XPR1: variants seen among roughly 807,000 people sequenced by gnomAD.
XPR1 encodes solute carrier family 53 member 1.
A neutral mutation model predicts 87.5 loss-of-function variants in XPR1; 28 were observed. That is an observed-to-expected ratio of 0.32 (90% CI 0.24 to 0.44). The LOEUF is 0.44. Among genes scored for constraint, XPR1 ranks in the 20% least tolerant of loss-of-function variants. The pLI is 1.00. For synonymous variants in XPR1, 300 were observed against 306.1 expected, an observed-to-expected ratio of 0.98 and a Z score of 0.21; for missense variants, 559 against 862.3, an observed-to-expected ratio of 0.65 and a Z score of 4.41.
rs752314458 is a variant in XPR1, at chr1:180,649,357, G to A, written c.69+17087G>A. Reference sequence around the variant, plus strand: ...TGAGGCACGAGAATGGCGTGAACCCGGAGGCGGAGCTTGCAGTGAGCCAAG... The same window carrying A: ...TGAGGCACGAGAATGGCGTGAACCCAGAGGCGGAGCTTGCAGTGAGCCAAG... On this transcript the variant is annotated intron_variant, in intron 1 of 14. Coordinates refer to ENST00000367590, the MANE Select transcript of XPR1 (RefSeq NM_004736.4). Among the ~76,000 whole-genome samples the A allele has an allele frequency of 6.4e-4, 97 of 152,058 alleles. 1 individual carries two copies. Among genetic ancestry groups the A allele is most frequent in the Middle Eastern group, 3.2e-3 (1 of 316 alleles).
At chr1:180,822,994 C>G (rs1165133020) in intron 7 of XPR1, among the ~76,000 whole-genome samples, 1 of 152,078 alleles carries the variant, frequency 6.6e-6, no homozygotes, top group Non-Finnish European at 1.5e-5. Context: ...AATCCCAGCA[C>G]TTTGGGAGGC....
At chr1:180,878,198 AAAAG>A (rs1308997189) in intron 13 of XPR1, 2 of 152,218 alleles carry the variant, frequency 1.3e-5, no homozygotes, top group African/African-American at 4.8e-5. Flanking sequence ...TTCTAGTAAA[AAAAG>A]AAAAATACCT....
At chr1:180,866,116 G>A (rs976121707) in intron 12 of XPR1, among the ~76,000 whole-genome samples, 5 of 152,120 alleles carry the variant, frequency 3.3e-5, no homozygotes, top group African/African-American at 1.2e-4. Flanking sequence ...GGATGCTGAG[G>A]CAGGAGGATC....
chr1:180,842,682 T>C (rs1278125413), intron 11 of XPR1, among the ~76,000 whole-genome samples: 2 of 152,194 alleles, frequency 1.3e-5, no homozygotes, highest in African/African-American at 4.8e-5. Flanking sequence ...TTCTTGGCTT[T>C]GGCAAAGAAA....
At chr1:180,853,549 C>G (rs1651934134) in intron 11 of XPR1, among the ~76,000 whole-genome samples, 1 of 151,188 alleles carries the variant, frequency 6.6e-6, no homozygotes. Context: ...AGTTTGAGAT[C>G]TTCCTTGTTC....
intron 2 of XPR1, among the ~76,000 whole-genome samples, chr1:180,747,165 G>A (rs1647288821): frequency 6.6e-6 from 1 of 152,114 alleles, no homozygotes; most frequent in African/African-American, 2.4e-5. Context: ...GAAGCTAAGT[G>A]TTATTCAGTT....
chr1:180,793,995 T>C (rs1366752125), intron 3 of XPR1, among the ~76,000 whole-genome samples: 1 of 152,140 alleles, frequency 6.6e-6, no homozygotes, highest in Non-Finnish European at 1.5e-5. Flanking sequence ...CACAATATCA[T>C]GTAAATAATG....
intron 1 of XPR1, among the ~76,000 whole-genome samples, chr1:180,653,831 T>C (rs1248677351): frequency 6.6e-6 from 1 of 152,202 alleles, no homozygotes; most frequent in Admixed American, 6.5e-5. Context: ...CATTGACTAC[T>C]AAGTGACTAA....
At chr1:180,877,858 C>T (rs558902485) in intron 13 of XPR1, 3 of 152,270 alleles carry the variant, frequency 2.0e-5, no homozygotes, top group South Asian at 4.1e-4. Flanking sequence ...TAACTGCTTA[C>T]CTAGACTCTG....
chr1:180,678,745 T>C (rs1656454514), intron 1 of XPR1, among the ~76,000 whole-genome samples: 1 of 152,226 alleles, frequency 6.6e-6, no homozygotes, highest in African/African-American at 2.4e-5. Flanking sequence ...TGGTTAGTCA[T>C]GGATCTGACA....
intron 1 of XPR1, among the ~76,000 whole-genome samples, chr1:180,665,467 C>G (rs531771443): frequency 9.2e-5 from 14 of 152,308 alleles, no homozygotes; most frequent in Non-Finnish European, 1.5e-5. Context: ...AACCACTGGC[C>G]TAGACAGTCT....
intron 3 of XPR1, among the ~76,000 whole-genome samples, chr1:180,788,236 C>T (rs1001522671): frequency 6.6e-6 from 1 of 152,118 alleles, no homozygotes; most frequent in Non-Finnish European, 1.5e-5. Context: ...GCCTAGAACA[C>T]TTATACTTAT....
At chr1:180,769,631 C>G (rs942835766) in intron 2 of XPR1, among the ~76,000 whole-genome samples, 2 of 152,118 alleles carry the variant, frequency 1.3e-5, no homozygotes, top group African/African-American at 2.4e-5. Flanking sequence ...TTTTTTATAG[C>G]TAAATAGTAC....
intron 2 of XPR1, among the ~76,000 whole-genome samples, chr1:180,704,427 A>G (rs1420663930): frequency 6.6e-6 from 1 of 151,086 alleles, no homozygotes; most frequent in Non-Finnish European, 1.5e-5. Flanking sequence ...TTTGTCAATT[A>G]TTTGGTTATT....
chr1:180,817,674 G>C (rs1414947474), intron 7 of XPR1, among the ~76,000 whole-genome samples: 1 of 152,048 alleles, frequency 6.6e-6, no homozygotes, highest in Non-Finnish European at 1.5e-5. Context: ...GAACATGATG[G>C]CTCTCACAAA....
chr1:180,800,928 A>C (rs907404867), intron 3 of XPR1, among the ~76,000 whole-genome samples: 1 of 152,188 alleles, frequency 6.6e-6, no homozygotes, highest in Non-Finnish European at 1.5e-5. Context: ...TGTAGTGACT[A>C]ATATCAAGTA....
chr1:180,663,803 A>G (rs1655859666), intron 1 of XPR1, among the ~76,000 whole-genome samples: 1 of 152,182 alleles, frequency 6.6e-6, no homozygotes, highest in African/African-American at 2.4e-5. Flanking sequence ...CTGAAACCTT[A>G]GAAATCTACC....
chr1:180,720,414 T>G (rs1039712338), intron 2 of XPR1, among the ~76,000 whole-genome samples: 1 of 152,170 alleles, frequency 6.6e-6, no homozygotes, highest in East Asian at 1.9e-4. Context: ...CATAAAAGAC[T>G]TGAGGAAATA....
intron 13 of XPR1, among the ~76,000 whole-genome samples, chr1:180,878,755 C>T (rs1652745639): frequency 1.3e-5 from 2 of 152,142 alleles, no homozygotes; most frequent in South Asian, 4.1e-4. Context: ...TACTTTACTT[C>T]CCAGCAAAGC....
Sources: allele counts gnomAD v4.1 joint callset (sites outside exome capture counted in the v4.1 genomes callset), GRCh38; gene constraint gnomAD v4.1.1; transcripts MANE v1.5; gene names NCBI Gene and HGNC (gene_info 2026-07-23, HGNC 2026-07-21).